Variants in PHF2 observed in about 807,000 individuals in gnomAD.
PHF2 encodes the protein PHD finger protein 2.
Under a neutral mutation model 120.5 loss-of-function variants are expected in PHF2, and 27 were observed. The observed-to-expected ratio is 0.22, with a 90% CI of 0.17 to 0.31. The LOEUF is 0.31. PHF2 is among the 10% of genes least tolerant of loss of function. PHF2 has a pLI of 1.00. For missense variants in PHF2, 1,024 were observed against 1,434.8 expected (o/e 0.71, Z 4.63); for synonymous variants, 568 against 592.5 (o/e 0.96, Z 0.60).
At chr9:93,637,917 C>T (rs946503494) in intron 3 of PHF2, among the ~76,000 whole-genome samples, 3 of 152,310 alleles carry the variant, frequency 2.0e-5, no homozygotes, top group Non-Finnish European at 4.4e-5. Flanking sequence ...ATGAGGGTCT[C>T]GATTTCTTCA....
intron 4 of PHF2, among the ~76,000 whole-genome samples, chr9:93,646,418 G>A (rs1227879339): frequency 6.6e-6 from 1 of 152,208 alleles, no homozygotes; most frequent in Admixed American, 6.5e-5. Flanking sequence ...ACATGGCCAA[G>A]CATGGAGGCC....
At chr9:93,636,667 G>A (rs1184894170) in intron 3 of PHF2, 142 bp downstream of exon 3, 2 of 687,670 alleles carry the variant, frequency 2.9e-6, no homozygotes, top group Non-Finnish European at 2.5e-6. Context: ...GTCTCCTGGA[G>A]GCAGCATAGC....
chr9:93,587,179 A>G (rs1367984091), intron 1 of PHF2, among the ~76,000 whole-genome samples: 1 of 152,062 alleles, frequency 6.6e-6, no homozygotes, highest in Non-Finnish European at 1.5e-5. Flanking sequence ...TGGGTGAGGG[A>G]TGGAGGAGCC....
intron 16 of PHF2, among the ~76,000 whole-genome samples, 154 bp from the exon 17 acceptor site, chr9:93,666,926 A>C (rs1826692019): frequency 6.6e-6 from 1 of 152,154 alleles, no homozygotes; most frequent in South Asian, 2.1e-4. Flanking sequence ...TCCATCTCAA[A>C]ACTAAATAAA....
chr9:93,622,738 G>A (rs1392723535), intron 1 of PHF2, among the ~76,000 whole-genome samples: 1 of 152,170 alleles, frequency 6.6e-6, no homozygotes, highest in East Asian at 1.9e-4. Flanking sequence ...GGGGGCTCCT[G>A]TCCAAAGGCC....
intron 12 of PHF2, among the ~76,000 whole-genome samples, chr9:93,661,741 AGATG>A (rs757588352): frequency 2.2e-4 from 29 of 134,178 alleles, no homozygotes; most frequent in Admixed American, 1.3e-3. Context: ...ATGAGTGGGT[AGATG>A]GATGGATGAG....
chr9:93,674,866 C>A (rs1383643091), intron 18 of PHF2, 61 bp from the exon 19 acceptor site: 3 of 1,246,004 alleles, frequency 2.4e-6, no homozygotes, highest in Non-Finnish European at 3.5e-6. Context: ...TACCCCCCCG[C>A]CCTCCTCCGT....
chr9:93,676,898 C>A lies in PHF2; in HGVS notation c.3137C>A (p.Pro1046His). Residue 1046 changes from proline (P) to histidine (H), a missense_variant, in exon 21 of 22, where the codon CCT becomes CAT. By Grantham distance (77) the Pro-to-His change is moderately conservative. This residue lies in a region of PHF2 where 677 missense variants were observed against 857.4 expected (regional missense o/e 0.79). Coordinates refer to ENST00000359246, the MANE Select transcript of PHF2 (RefSeq NM_005392.4). ...GGCCGCACCTCCCAGCCCATGGCCC[C>A]TGGGGTCTTTCTCACACAGAGGCGG... ...QAGRTSQPMAPGVFLTQRRPS... is the reference protein window; with the variant it reads ...QAGRTSQPMAHGVFLTQRRPS... 6.3e-7 allele frequency: 1 copy of A among 1,582,066 alleles called. No individual in the cohort carries two copies. The highest frequency in any genetic ancestry group is 2.3e-5 in the East Asian group (1 of 43,606).
rs778437718 is a variant in PHF2, at chr9:93,654,471, G to A, written c.848G>A (p.Arg283His). 6 of 1,613,918 alleles carry A rather than the reference G, an allele frequency of 3.7e-6. No homozygotes were observed. The highest frequency in any genetic ancestry group is 2.7e-5 in the African/African-American group (2 of 74,926). ...TCGGCCAACATCTCCCTGTATGAGC[G>A]CTGGCGGTCTGCCTCTAACCACAGC... ...PASANISLYE[R>H]WRSASNHSEM... is the part of the protein sequence containing the mutation. The change falls in exon 7 of 22, where the codon CGC becomes CAC. Residue 283 changes from arginine (R) to histidine (H), a missense_variant. Arg to His is a conservative substitution (Grantham distance 29). Transcript: ENST00000359246.
At chr9:93,598,678 C>T (rs550188558) in intron 1 of PHF2, among the ~76,000 whole-genome samples, 9 of 152,140 alleles carry the variant, frequency 5.9e-5, no homozygotes, top group Admixed American at 3.3e-4. Flanking sequence ...GGGGCATCCA[C>T]GGGGCCTGGG....
intron 1 of PHF2, among the ~76,000 whole-genome samples, chr9:93,597,990 G>T (rs1182362864): frequency 6.6e-6 from 1 of 152,174 alleles, no homozygotes; most frequent in African/African-American, 2.4e-5. Flanking sequence ...AGGTCAACAT[G>T]GCACATTGGG....
chr9:93,675,546 C>T, intron 19 of PHF2, 134 bp from the exon 20 acceptor site: 1 of 675,704 alleles, frequency 1.5e-6, no homozygotes, highest in African/African-American at 1.8e-5. Flanking sequence ...GGCGGCTTCA[C>T]AGCCAGGAAT....
At chr9:93,670,840 G>A (rs571481828) in intron 17 of PHF2, among the ~76,000 whole-genome samples, 3 of 152,272 alleles carry the variant, frequency 2.0e-5, no homozygotes, top group Admixed American at 6.5e-5. Context: ...AGGAGGATGC[G>A]GATGCGAGAC....
Position 93,658,227 on chromosome 9 carries a change from G to A in PHF2, c.1230G>A (p.Thr410=), listed in dbSNP as rs149721035. 45 of 1,610,730 alleles carry A rather than the reference G, an allele frequency of 2.8e-5. No individual in the cohort carries two copies. The highest frequency in any genetic ancestry group is 8.4e-5 in the Admixed American group (5 of 59,810). Residue 410 remains threonine, a synonymous_variant, in exon 10 of 22, where the codon ACG becomes ACA. Coordinates refer to ENST00000359246, the MANE Select transcript of PHF2 (RefSeq NM_005392.4). ...TCAATGGTGCTTTCCGATCGTGGAC[G>A]AAGAAGCAGGTAGGAATCATGTCAC... ...KILNGAFRSW[T]KKQALAEHED... is the part of the protein sequence containing the mutation.
intron 1 of PHF2, among the ~76,000 whole-genome samples, chr9:93,585,161 C>T (rs781380936): frequency 2.6e-5 from 4 of 152,200 alleles, no homozygotes; most frequent in Non-Finnish European, 5.9e-5. Flanking sequence ...GCATGTGCTG[C>T]TGTGTGCCCA....
At chr9:93,595,750 T>C (rs2131610557) in intron 1 of PHF2, among the ~76,000 whole-genome samples, 1 of 152,374 alleles carries the variant, frequency 6.6e-6, no homozygotes, top group Middle Eastern at 3.4e-3. Flanking sequence ...CAGAGATGCC[T>C]TCCTCTTGAT....
At chr9:93,577,489 A>T (rs1016578353) in intron 1 of PHF2, among the ~76,000 whole-genome samples, 1 of 151,628 alleles carries the variant, frequency 6.6e-6, no homozygotes, top group Non-Finnish European at 1.5e-5. Flanking sequence ...CGAGGGCAGG[A>T]CCCCTCCCGG....
intron 1 of PHF2, among the ~76,000 whole-genome samples, chr9:93,599,367 C>G (rs1377695186): frequency 6.6e-6 from 1 of 152,226 alleles, no homozygotes; most frequent in Admixed American, 6.5e-5. Flanking sequence ...GGCTGCTCTC[C>G]CCTCTCAATT....
At position 93,660,236 on chromosome 9, in the gene PHF2, G is replaced by T. The variant is rs765204086; in HGVS notation, c.1374G>T (p.Ser458=). Residue 458 remains serine (S), a synonymous_variant, in exon 12 of 22, where the codon TCG becomes TCT. Transcript: ENST00000359246. ...AVRPEVNTVA[S]SDEVCDGDRE... ...GACCGGAAGTGAATACTGTCGCCTCGTCAGATGAGGTGTGTGACGGGGACC... is the reference window on the plus strand; with the variant it reads ...GACCGGAAGTGAATACTGTCGCCTCTTCAGATGAGGTGTGTGACGGGGACC... The T allele has an allele frequency of 8.1e-6, 13 of 1,596,618 alleles. No homozygotes were observed. The highest frequency in any genetic ancestry group is 1.0e-5 in the Non-Finnish European group (12 of 1,174,362).
Sources: allele counts gnomAD v4.1 joint callset (sites outside exome capture counted in the v4.1 genomes callset), GRCh38; gene constraint gnomAD v4.1.1; regional missense constraint gnomAD v4.1.1; transcripts MANE v1.5; gene names NCBI Gene and HGNC (gene_info 2026-07-23, HGNC 2026-07-21).